Variants in SMARCA1 observed in about 807,000 individuals in gnomAD.
The protein encoded by SMARCA1 is SWI/SNF-related matrix-associated actin-dependent regulator of chromatin subfamily A member 1.
Under a neutral mutation model 93.6 loss-of-function variants are expected in SMARCA1, and 17 were observed. That is an observed-to-expected ratio of 0.18 (90% confidence interval 0.12 to 0.27). The LOEUF (loss-of-function observed/expected upper bound fraction) is 0.27. SMARCA1 is among the 10% of genes least tolerant of loss of function. SMARCA1 has a pLI of 1.00. For synonymous variants in SMARCA1, 271 were observed against 271.4 expected (o/e 1.00, Z 0.01); for missense variants, 630 against 819.0 (o/e 0.77, Z 2.82).
At chrX:129,474,394 C>G (rs1602671169) in intron 19 of SMARCA1, among the ~76,000 whole-genome samples, 1 of 111,029 alleles carries the variant, frequency 9.0e-6, no homozygotes, top group African/African-American at 3.3e-5. Context: ...ATATTTTTAA[C>G]AAAATGAAAA....
intron 5 of SMARCA1, among the ~76,000 whole-genome samples, chrX:129,514,818 A>G (rs62608316): frequency 0.12 from 13,744 of 110,041 alleles, 770 homozygotes; most frequent in East Asian, 0.34. Flanking sequence ...GGGAGGCCGA[A>G]GCAGGTGGAT....
intron 9 of SMARCA1, among the ~76,000 whole-genome samples, chrX:129,504,188 G>A (rs1156364069): frequency 2.7e-5 from 3 of 111,732 alleles, no homozygotes; most frequent in Non-Finnish European, 5.6e-5. Flanking sequence ...TGAGGCAGGA[G>A]GATTGCTTGA....
chrX:129,465,825 T>A lies in SMARCA1; in HGVS notation c.2817+19A>T. 1 of 1,079,651 alleles carries A rather than the reference T, an allele frequency of 9.3e-7. No homozygotes were observed. The highest frequency in any genetic ancestry group is 2.2e-5 in the South Asian group (1 of 46,422). 89.0% of individuals were successfully genotyped at this position (1,079,651 alleles called of 1,213,427 possible). A position where few individuals can be genotyped will look rare whatever the true frequency, so the allele number is the denominator to read the frequency against. On this transcript the variant is annotated intron_variant, in intron 22 of 24. Transcript: ENST00000371121. ...TCAATTAAAACGATCTAATAATAAT[T>A]TGACATAAAACATAGTACTTTGGCA...
At chrX:129,521,043 A>G (rs1207374268) in intron 1 of SMARCA1, among the ~76,000 whole-genome samples, 1 of 101,343 alleles carries the variant, frequency 9.9e-6, no homozygotes, top group East Asian at 2.9e-4. Context: ...ACACTTGGCT[A>G]ATTTTTTTTT....
intron 16 of SMARCA1, among the ~76,000 whole-genome samples, chrX:129,488,480 T>C (rs1300793147): frequency 9.3e-6 from 1 of 107,626 alleles, no homozygotes; most frequent in East Asian, 2.9e-4. Flanking sequence ...TGTTGGTACA[T>C]GCCTGTGGTC....
chrX:129,476,816 T>C (rs746943457), intron 19 of SMARCA1, among the ~76,000 whole-genome samples: 2 of 111,778 alleles, frequency 1.8e-5, no homozygotes, highest in Non-Finnish European at 1.9e-5. Flanking sequence ...AACGGTTATA[T>C]ATCACATCAT....
chrX:129,463,862 G>T (rs7880323), intron 23 of SMARCA1, among the ~76,000 whole-genome samples: 1 of 111,201 alleles, frequency 9.0e-6, no homozygotes. Context: ...GCTTGAACCC[G>T]GGAGGTGGAG....
chrX:129,505,381 G>A (rs1476938500), intron 8 of SMARCA1, among the ~76,000 whole-genome samples: 1 of 110,180 alleles, frequency 9.1e-6, no homozygotes. Context: ...GTGTGGTGAC[G>A]GGCACCTGTA....
intron 21 of SMARCA1, among the ~76,000 whole-genome samples, chrX:129,466,521 G>T (rs969883567): frequency 9.0e-6 from 1 of 110,720 alleles, no homozygotes; most frequent in Non-Finnish European, 1.9e-5. Flanking sequence ...TGCACATGGT[G>T]GTGCGTGCCT....
At chrX:129,487,825 C>T (rs6529377) in intron 16 of SMARCA1, among the ~76,000 whole-genome samples, 46,287 of 111,065 alleles carry the variant, frequency 0.42, 8,903 homozygotes, top group East Asian at 0.77. Flanking sequence ...TAAATATTTA[C>T]GACACAATTG....
chrX:129,494,216 G>A (rs1009350600), intron 12 of SMARCA1, among the ~76,000 whole-genome samples: 4 of 111,631 alleles, frequency 3.6e-5, no homozygotes, highest in Middle Eastern at 4.6e-3. Flanking sequence ...CAGAAAGCAC[G>A]TACTGCTCTG....
intron 5 of SMARCA1, among the ~76,000 whole-genome samples, chrX:129,512,772 C>G (rs1031173057): frequency 9.0e-6 from 1 of 111,500 alleles, no homozygotes; most frequent in African/African-American, 3.3e-5. Flanking sequence ...ACATCAAAAC[C>G]TTAAAATGTT....
At chrX:129,485,161 T>C (rs1933840481) in intron 17 of SMARCA1, among the ~76,000 whole-genome samples, 1 of 112,134 alleles carries the variant, frequency 8.9e-6, no homozygotes, top group African/African-American at 3.2e-5. Context: ...CATACTCTAA[T>C]TCATGAGAAC....
chrX:129,523,298 C>G lies in SMARCA1; in HGVS notation c.73G>C (p.Glu25Gln), dbSNP rs776929542. Residue 25 changes from glutamate (E) to glutamine (Q), a missense_variant, in exon 1 of 25, where the codon GAG (glutamate) becomes CAG (glutamine). This residue lies in a region of SMARCA1 where 103 missense variants were observed against 82.0 expected (regional missense o/e 1.26). Transcript: ENST00000371121. ...ADATATIVVI[E>Q]DEQPGPSTSQ... is the part of the protein sequence containing the mutation. ...GTGGACGGCCCGGGCTGCTCGTCCTCTATGACCACGATAGTGGCGGTCGCA... is the reference window on the plus strand; with the variant it reads ...GTGGACGGCCCGGGCTGCTCGTCCTGTATGACCACGATAGTGGCGGTCGCA... The G allele has an allele frequency of 6.6e-6, 8 of 1,206,758 alleles. No individual in the cohort carries two copies. In the East Asian group the frequency reaches 2.4e-4, roughly 36 times the overall value.
At chrX:129,447,424 A>T (rs767556551) in intron 24 of SMARCA1, 191 bp from the exon 25 acceptor site, 1 of 354,670 alleles carries the variant, frequency 2.8e-6, no homozygotes, top group East Asian at 5.1e-5. Context: ...ACCTTCAAAG[A>T]TGTTTCTTTT....
At chrX:129,462,858 T>A (rs963685065) in intron 23 of SMARCA1, among the ~76,000 whole-genome samples, 1 of 111,391 alleles carries the variant, frequency 9.0e-6, no homozygotes, top group Admixed American at 9.6e-5. Context: ...CAGAGGTAAA[T>A]GTTTTGTAAA....
intron 7 of SMARCA1, among the ~76,000 whole-genome samples, chrX:129,507,423 A>C (rs183122906): frequency 8.9e-6 from 1 of 112,760 alleles, no homozygotes; most frequent in Admixed American, 9.4e-5. Context: ...ATACTACAGC[A>C]TAACAGTTAG....
intron 23 of SMARCA1, among the ~76,000 whole-genome samples, chrX:129,462,891 T>C (rs1278470439): frequency 9.0e-6 from 1 of 110,579 alleles, no homozygotes; most frequent in East Asian, 2.8e-4. Flanking sequence ...GAAAAACAGA[T>C]TTTTTACAAG....
At chrX:129,480,382 C>T (rs994708112) in intron 19 of SMARCA1, among the ~76,000 whole-genome samples, 6 of 112,373 alleles carry the variant, frequency 5.3e-5, no homozygotes, top group African/African-American at 1.9e-4. Context: ...TATTAACATT[C>T]GCTTTTAACC....
Sources: allele counts gnomAD v4.1 joint callset (sites outside exome capture counted in the v4.1 genomes callset), GRCh38; gene constraint gnomAD v4.1.1; regional missense constraint gnomAD v4.1.1; transcripts MANE v1.5; gene names NCBI Gene and HGNC (gene_info 2026-07-23, HGNC 2026-07-21).